Variants in PSG3 observed in about 807,000 individuals in gnomAD.
PSG3 encodes the protein pregnancy specific beta-1-glycoprotein 3.
Under a neutral mutation model 47.5 loss-of-function variants are expected in PSG3, and 61 were observed. The observed-to-expected ratio is 1.28, with a 90% CI of 1.05 to 1.59. PSG3 has a LOEUF of 1.59. Among genes scored for constraint, PSG3 ranks in the 40% most tolerant of loss-of-function variants. The pLI, the probability that PSG3 is intolerant of heterozygous loss-of-function variation, is 0.00. For synonymous variants in PSG3, 263 were observed against 198.4 expected (o/e 1.33, Z -2.74); for missense variants, 756 against 524.0 (o/e 1.44, Z -4.32).
chr19:42,730,289 C>A (rs1285851974), intron 3 of PSG3, among the ~76,000 whole-genome samples: 1 of 152,174 alleles, frequency 6.6e-6, no homozygotes, highest in East Asian at 1.9e-4. Flanking sequence ...AATTGAGCAG[C>A]AGTGTTGGGT....
chr19:42,728,998 A>G, intron 5 of PSG3, 125 bp downstream of exon 5: 1 of 1,581,110 alleles, frequency 6.3e-7, no homozygotes, highest in Admixed American at 1.8e-5. Flanking sequence ...TCAGGAGGAG[A>G]ATTTGGGATT....
intron 2 of PSG3, among the ~76,000 whole-genome samples, chr19:42,738,235 T>A (rs375176517): frequency 6.6e-6 from 1 of 152,206 alleles, no homozygotes; most frequent in Non-Finnish European, 1.5e-5. Context: ...TGACAGCTGG[T>A]AAATCCTTGG....
At position 42,740,337 on chromosome 19, in the gene PSG3, C is replaced by A. The variant is rs776277330; in HGVS notation, c.48G>T (p.Lys16Asn). Reference protein sequence around the residue: ...APPCTQRITWKGLLLTALLLN... With the variant: ...APPCTQRITWNGLLLTALLLN... ...TCTCCTCACCTGTGAGCAGGAGCCC[C>A]TTCCAGGTGATGCGCTGTGTGCAGG... Residue 16 changes from lysine to asparagine, a missense_variant, in exon 1 of 7, where the codon AAG becomes AAT. Transcript: ENST00000327495. 3.7e-6 allele frequency: 6 copies of A among 1,614,002 alleles called. No homozygotes were observed. The South Asian group carries it at 6.6e-5, about 18-fold the overall frequency.
chr19:42,737,918 A>G (rs1020526545), intron 2 of PSG3, among the ~76,000 whole-genome samples: 2 of 152,234 alleles, frequency 1.3e-5, no homozygotes, highest in African/African-American at 4.8e-5. Flanking sequence ...AATTCTTGGC[A>G]CAGTGGAGGT....
At chr19:42,734,277 GA>G (rs1969525176) in intron 2 of PSG3, 1 of 152,000 alleles carries the variant, frequency 6.6e-6, no homozygotes, top group Non-Finnish European at 1.5e-5. Context: ...TTTTATTTTG[GA>G]ATATTTACAG....
chr19:42,738,923 A>G lies in PSG3; in HGVS notation c.231T>C (p.His77=), dbSNP rs748537618. ...CATCTACTACGTATGATGTAATGTAATGGTAGAGGTCCTTCATTTGCCCTT... is the reference window on the plus strand; with the variant it reads ...CATCTACTACGTATGATGTAATGTAGTGGTAGAGGTCCTTCATTTGCCCTT... ...WYKGQMKDLY[H]YITSYVVDGQ... is the part of the protein sequence containing the mutation. The change falls in exon 2 of 7, where the codon CAT becomes CAC. Residue 77 remains histidine, a synonymous_variant. Coordinates refer to ENST00000327495, the MANE Select transcript of PSG3 (RefSeq NM_021016.4). 2.5e-6 allele frequency: 4 copies of G among 1,614,050 alleles called. No individual in the cohort carries two copies. Among genetic ancestry groups the G allele is most frequent in the Non-Finnish European group, 3.4e-6 (4 of 1,179,976 alleles).
At chr19:42,739,273 C>CCT (rs1600392834) in intron 1 of PSG3, 184 bp from the exon 2 acceptor site, 1 of 1,102,656 alleles carries the variant, frequency 9.1e-7, no homozygotes, top group East Asian at 2.5e-5. Context: ...TACTCTCCTA[C>CCT]TAGGTGAAGG....
rs140031974 is a variant in PSG3, at chr19:42,732,892, T to C, written c.601A>G (p.Thr201Ala). Residue 201 changes from threonine (T) to alanine (A), a missense_variant, in exon 3 of 7, where the codon ACC (threonine) becomes GCC (alanine). Transcript: ENST00000327495. ...TTTGTGACACCAAATAGAAAGAGGG[T>C]CCTTTTGTTTTTGGACAACTGCAAG... Reference protein sequence around the residue: ...HSLQLSKNKRTLFLFGVTKYT... With the variant: ...HSLQLSKNKRALFLFGVTKYT... 127 of 1,613,878 alleles carry C rather than the reference T, an allele frequency of 7.9e-5. No individual in the cohort carries two copies. The African/African-American group carries it at 1.6e-3, about 20-fold the overall frequency.
intron 5 of PSG3, among the ~76,000 whole-genome samples, chr19:42,724,731 G>A (rs1969348946): frequency 6.6e-6 from 1 of 151,944 alleles, no homozygotes; most frequent in Non-Finnish European, 1.5e-5. Context: ...AAGTTATCTT[G>A]TATGTCTAAT....
intron 5 of PSG3, among the ~76,000 whole-genome samples, chr19:42,728,815 G>A (rs1486985669): frequency 2.0e-5 from 3 of 152,016 alleles, no homozygotes; most frequent in African/African-American, 7.3e-5. Flanking sequence ...ACAGCAAGAA[G>A]CAACTTGATC....
At position 42,725,890 on chromosome 19, in the gene PSG3, C is replaced by CAAAA. The variant is rs200684147; in HGVS notation, c.1244-1869_1244-1866dup. On this transcript the variant is annotated intron_variant, in intron 5 of 6. Coordinates refer to ENST00000327495, the MANE Select transcript of PSG3 (RefSeq NM_021016.4). The stretch of plus-strand genomic sequence containing the variant: ...TCTCTCTCTCTTCAACAACAACAAC[C>CAAAA]AAAAAAAAAAAAAAAAAAAGAAAAA... Among the ~76,000 whole-genome samples, 182 of 68,014 alleles carry CAAAA rather than the reference C, an allele frequency of 2.7e-3. 2 individuals are homozygous for CAAAA. Among genetic ancestry groups the CAAAA allele is most frequent in the Middle Eastern group, 9.3e-3 (1 of 108 alleles). The allele number at this position is 68,014 out of a possible 152,430, so 44.6% of individuals were successfully genotyped here. A position where few individuals can be genotyped will look rare whatever the true frequency, so the allele number is the denominator to read the frequency against.
intron 1 of PSG3, among the ~76,000 whole-genome samples, 172 bp downstream of exon 1, chr19:42,740,149 T>A (rs1969646537): frequency 6.6e-6 from 1 of 152,128 alleles, no homozygotes; most frequent in Admixed American, 6.6e-5. Flanking sequence ...AGACAGGGCT[T>A]CACTGTGTTG....
intron 2 of PSG3, 79 bp from the exon 3 acceptor site, chr19:42,733,141 AT>A (rs2122183782): frequency 6.4e-7 from 1 of 1,554,252 alleles, no homozygotes; most frequent in African/African-American, 1.4e-5. Flanking sequence ...CAGAGTTGGC[AT>A]TTCCCACCTC....
chr19:42,730,739 A>T (rs892105265), intron 3 of PSG3, among the ~76,000 whole-genome samples: 1 of 152,246 alleles, frequency 6.6e-6, no homozygotes, highest in Non-Finnish European at 1.5e-5. Context: ...GAAAGAGTGA[A>T]GGTGACAGGC....
In PSG3 at chr19:42,721,868, A is replaced by T; in HGVS notation, c.*263T>A. 1 of 414,764 alleles carries T rather than the reference A, an allele frequency of 2.4e-6. No individual in the cohort carries two copies. The highest frequency in any genetic ancestry group is 4.4e-6 in the Non-Finnish European group (1 of 226,040). 25.7% of individuals were successfully genotyped at this position (414,764 alleles called of 1,614,324 possible). On this transcript the variant is annotated 3_prime_UTR_variant, in exon 7 of 7. Transcript: ENST00000327495. Reference sequence around the variant, plus strand: ...TATGAAAACATTGTTTTGACTATTTAGTCCAATAAAATTGGGTTTTTTTCT... The same window carrying T: ...TATGAAAACATTGTTTTGACTATTTTGTCCAATAAAATTGGGTTTTTTTCT...
chr19:42,737,041 G>T (rs936527739), intron 2 of PSG3, among the ~76,000 whole-genome samples: 9 of 152,114 alleles, frequency 5.9e-5, no homozygotes, highest in African/African-American at 2.2e-4. Flanking sequence ...ACACAGAGAA[G>T]CAGAGAGAGG....
rs1393361607 is a variant in PSG3, at chr19:42,729,924, G to A, written c.842C>T (p.Pro281Leu). The change falls in exon 4 of 7, where the codon CCG becomes CTG. Residue 281 changes from proline to leucine, a missense_variant. Pro to Leu is a moderately conservative substitution (Grantham distance 98). Coordinates refer to ENST00000327495, the MANE Select transcript of PSG3 (RefSeq NM_021016.4). ...GGGTCGCTTTACCCTGGGACTGACCGGGAGGCTCTGACCATTTAGCCACCA... is the reference window on the plus strand; with the variant it reads ...GGGTCGCTTTACCCTGGGACTGACCAGGAGGCTCTGACCATTTAGCCACCA... Reference protein sequence around the residue: ...YIWWLNGQSLPVSPRVKRPIE... With the variant: ...YIWWLNGQSLLVSPRVKRPIE... 6.8e-6 allele frequency: 11 copies of A among 1,611,966 alleles called. No individual in the cohort carries two copies. Among genetic ancestry groups the A allele is most frequent in the Admixed American group, 1.7e-5 (1 of 59,994 alleles).
At chr19:42,729,685 A>G in intron 4 of PSG3, 93 bp downstream of exon 4, 1 of 1,571,918 alleles carries the variant, frequency 6.4e-7, no homozygotes, top group Non-Finnish European at 8.6e-7. Flanking sequence ...AATGGTATCT[A>G]TACTTGGACC....
At chr19:42,730,707 G>A (rs577551763) in intron 3 of PSG3, among the ~76,000 whole-genome samples, 2 of 152,350 alleles carry the variant, frequency 1.3e-5, no homozygotes, top group African/African-American at 4.8e-5. Context: ...TAAAGATAGA[G>A]CAGAGTGCAA....
Sources: gnomAD v4.1 joint callset for allele counts (sites outside exome capture counted in the v4.1 genomes callset) on GRCh38, gnomAD v4.1.1 for gene constraint, MANE v1.5 for transcripts, NCBI Gene and HGNC (gene_info 2026-07-23, HGNC 2026-07-21) for gene names.